The following FNDC1 variants were observed in gnomAD, a reference collection of about 807,000 sequenced individuals.
FNDC1 encodes the protein fibronectin type III domain-containing protein 1.
Under a neutral mutation model 168.0 loss-of-function variants are expected in FNDC1, and 96 were observed. The observed-to-expected ratio is 0.57, with a 90% CI of 0.48 to 0.68. FNDC1 has a LOEUF of 0.68. Ranked by LOEUF, FNDC1 falls within the 30% of genes least tolerant of loss-of-function variation. The pLI is 0.00. For synonymous variants in FNDC1, 1,099 were observed against 1,025.9 expected (o/e 1.07, Z -1.36); for missense variants, 2,587 against 2,482.1 (o/e 1.04, Z -0.90).
intron 14 of FNDC1, among the ~76,000 whole-genome samples, chr6:159,245,426 A>G (rs539642815): frequency 1.3e-5 from 2 of 152,292 alleles, no homozygotes; most frequent in African/African-American, 4.8e-5. Flanking sequence ...CATTAAGTTT[A>G]GAGAGTTCTA....
intron 1 of FNDC1, among the ~76,000 whole-genome samples, chr6:159,186,953 G>A (rs1203788856): frequency 1.3e-5 from 2 of 152,200 alleles, no homozygotes; most frequent in Admixed American, 1.3e-4. Context: ...TGGCCTTTTT[G>A]TCTGAATAAA....
At chr6:159,188,907 C>A (rs1026029186) in intron 1 of FNDC1, among the ~76,000 whole-genome samples, 1 of 151,894 alleles carries the variant, frequency 6.6e-6, no homozygotes, top group African/African-American at 2.4e-5. Context: ...ACCACCATGC[C>A]CACCTGGCTA....
chr6:159,232,850 G>A lies in FNDC1; in HGVS notation c.2338G>A (p.Gly780Arg). Residue 780 changes from glycine (G) to arginine (R), a missense_variant, in exon 11 of 23, where the codon GGA becomes AGA. Physicochemically the swap from Gly to Arg is moderately radical, Grantham distance 125. Coordinates refer to ENST00000297267, the MANE Select transcript of FNDC1 (RefSeq NM_032532.3). The surrounding 1 kb of genome is among the most constrained non-coding windows in gnomAD (Gnocchi z 4.9). ...CTCGTCCAGGACGCAGGTCTCTGAG[G>A]GAGCGGAGGCTTCTGATGGTGAAAG... ...HLSSRTQVSE[G>R]AEASDGESHG... The A allele has an allele frequency of 6.2e-7, 1 of 1,613,834 alleles. No individual in the cohort carries two copies. Among genetic ancestry groups the A allele is most frequent in the Non-Finnish European group, 8.5e-7 (1 of 1,179,902 alleles).
intron 12 of FNDC1, among the ~76,000 whole-genome samples, chr6:159,237,610 A>G (rs1388570510): frequency 1.3e-5 from 2 of 152,262 alleles, no homozygotes; most frequent in African/African-American, 4.8e-5. Flanking sequence ...CATTAACAGC[A>G]AAATGGAAAG....
At chr6:159,211,711 A>G (rs1030978676) in intron 4 of FNDC1, among the ~76,000 whole-genome samples, 2 of 152,166 alleles carry the variant, frequency 1.3e-5, no homozygotes, top group Admixed American at 1.3e-4. Flanking sequence ...CACAAACACA[A>G]CTAGTGTGCT....
chr6:159,179,224 C>T (rs1781832186), intron 1 of FNDC1, among the ~76,000 whole-genome samples: 1 of 152,220 alleles, frequency 6.6e-6, no homozygotes, highest in Non-Finnish European at 1.5e-5. Flanking sequence ...TTTGGGAAGC[C>T]AAGGCGGGCA....
intron 5 of FNDC1, among the ~76,000 whole-genome samples, chr6:159,217,169 G>C (rs1192472804): frequency 6.6e-6 from 1 of 152,254 alleles, no homozygotes; most frequent in African/African-American, 2.4e-5. Flanking sequence ...GACTGAGATG[G>C]ATGAGACCAG....
intron 5 of FNDC1, among the ~76,000 whole-genome samples, chr6:159,215,465 T>G (rs1782690196): frequency 6.6e-6 from 1 of 152,234 alleles, no homozygotes; most frequent in Non-Finnish European, 1.5e-5. Flanking sequence ...TTGGCTGTTT[T>G]TGTCATTTTG....
intron 1 of FNDC1, among the ~76,000 whole-genome samples, chr6:159,193,021 G>A (rs893982768): frequency 5.9e-5 from 9 of 152,136 alleles, no homozygotes; most frequent in African/African-American, 1.7e-4. Context: ...AATTGGACAC[G>A]AGGAAGTTGT....
chr6:159,207,014 A>G (rs530591990), intron 4 of FNDC1, among the ~76,000 whole-genome samples: 14 of 152,310 alleles, frequency 9.2e-5, no homozygotes, highest in African/African-American at 2.6e-4. Flanking sequence ...AAAATGTGGG[A>G]GACAGAGGTT....
chr6:159,188,435 C>T (rs542685303), intron 1 of FNDC1, among the ~76,000 whole-genome samples: 17 of 146,770 alleles, frequency 1.2e-4, no homozygotes, highest in East Asian at 9.9e-4. Flanking sequence ...AGTCCAGTGG[C>T]GCAATCTTGG....
intron 1 of FNDC1, among the ~76,000 whole-genome samples, chr6:159,172,833 C>T (rs563360934): frequency 3.9e-5 from 6 of 152,182 alleles, no homozygotes; most frequent in Non-Finnish European, 8.8e-5. Context: ...TCCAGCTACA[C>T]ATCTGTGTGA....
In FNDC1 at chr6:159,221,561, G is replaced by A. The variant is rs773888763; in HGVS notation, c.668-37G>A. On this transcript the variant is annotated intron_variant, in intron 5 of 22. Coordinates refer to ENST00000297267, the MANE Select transcript of FNDC1 (RefSeq NM_032532.3). ...AGGGGATGTGTGTTCCTGAGAAATG[G>A]AAGTCAGAATCTCATCCCTCACTCC... 6 of 1,520,392 alleles carry A rather than the reference G, an allele frequency of 3.9e-6. No homozygotes were observed. The South Asian group carries it at 6.7e-5, about 17-fold the overall frequency. 94.2% of individuals were successfully genotyped at this position (1,520,392 alleles called of 1,614,324 possible).
intron 4 of FNDC1, among the ~76,000 whole-genome samples, chr6:159,205,090 G>C (rs1023388504): frequency 3.9e-5 from 6 of 152,170 alleles, no homozygotes; most frequent in East Asian, 3.9e-4. Context: ...TGGAAAGCAT[G>C]GTAGACCTGA....
intron 14 of FNDC1, among the ~76,000 whole-genome samples, chr6:159,243,860 C>A (rs1783484563): frequency 6.6e-6 from 1 of 152,084 alleles, no homozygotes; most frequent in Non-Finnish European, 1.5e-5. Context: ...CAAAATCACC[C>A]AGTAGATTGT....
chr6:159,259,603 A>C (rs917800210), intron 18 of FNDC1, among the ~76,000 whole-genome samples: 1 of 152,168 alleles, frequency 6.6e-6, no homozygotes, highest in Non-Finnish European at 1.5e-5. Flanking sequence ...TTTTCAAAAA[A>C]AGTATCTGTA....
chr6:159,185,828 A>G (rs1781984817), intron 1 of FNDC1, among the ~76,000 whole-genome samples: 1 of 152,212 alleles, frequency 6.6e-6, no homozygotes, highest in Non-Finnish European at 1.5e-5. Context: ...TCATGACTGA[A>G]TGTTTAGTAT....
chr6:159,238,831 CAG>C (rs1783329302), intron 13 of FNDC1, among the ~76,000 whole-genome samples, 166 bp downstream of exon 13: 1 of 152,168 alleles, frequency 6.6e-6, no homozygotes, highest in Non-Finnish European at 1.5e-5. Flanking sequence ...GTGTTTCCCC[CAG>C]AGAGCGTTAG....
intron 9 of FNDC1, among the ~76,000 whole-genome samples, chr6:159,228,975 C>T (rs961859769): frequency 7.2e-5 from 11 of 152,068 alleles, no homozygotes; most frequent in African/African-American, 2.4e-4. Flanking sequence ...CATGCCCAGC[C>T]CCTACTCATA....
Sources: allele counts gnomAD v4.1 joint callset (sites outside exome capture counted in the v4.1 genomes callset), GRCh38; gene constraint gnomAD v4.1.1; non-coding constraint Gnocchi (gnomAD v3.1); transcripts MANE v1.5; gene names NCBI Gene and HGNC (gene_info 2026-07-23, HGNC 2026-07-21).